Variants in TECTA observed in about 807,000 individuals in gnomAD.
TECTA encodes alpha-tectorin.
TECTA carries 128 observed loss-of-function variants against 216.8 expected under a neutral mutation model. The ratio of observed to expected loss-of-function variants is 0.59; its 90% CI spans 0.51 to 0.68. TECTA has a LOEUF of 0.68. Among genes scored for constraint, TECTA ranks in the 30% least tolerant of loss-of-function variants. TECTA has a pLI of 0.00. For missense variants in TECTA, 2,551 were observed against 2,786.2 expected (o/e 0.92, Z 1.90); for synonymous variants, 1,089 against 1,117.1 (o/e 0.97, Z 0.50).
intron 23 of TECTA, 38 bp from the exon 24 acceptor site, chr11:121,190,668 C>T (rs1045251654): frequency 1.1e-5 from 16 of 1,479,304 alleles, no homozygotes; most frequent in East Asian, 2.3e-5. Context: ...AGGTATTTTT[C>T]CCCCCATAGG....
Position 121,145,974 on chromosome 11 carries a change from C to A in TECTA, c.3963C>A (p.Thr1321=), listed in dbSNP as rs757630100. 5.0e-6 allele frequency: 8 copies of A among 1,614,266 alleles called. No homozygotes were observed. The highest frequency in any genetic ancestry group is 3.4e-6 in the Non-Finnish European group (4 of 1,180,050). ...AGTGTCACAGCAAAGTTAACCCCACCTTCTTCTATAAGAACTGCCTGTTTG... is the reference window on the plus strand; with the variant it reads ...AGTGTCACAGCAAAGTTAACCCCACATTCTTCTATAAGAACTGCCTGTTTG... ...FSKCHSKVNP[T]FFYKNCLFDS... Residue 1321 remains threonine, a synonymous_variant, in exon 12 of 24, where the codon ACC becomes ACA. Coordinates refer to ENST00000392793, the MANE Select transcript of TECTA (RefSeq NM_005422.4).
Position 121,146,021 on chromosome 11 carries a change from C to A in TECTA, c.4010C>A (p.Ala1337Glu). 6.2e-7 allele frequency: 1 copy of A among 1,614,016 alleles called. No homozygotes were observed. The highest frequency in any genetic ancestry group is 8.5e-7 in the Non-Finnish European group (1 of 1,180,042). Residue 1337 changes from alanine (A) to glutamate (E), a missense_variant, in exon 12 of 24, where the codon GCG becomes GAG. Ala to Glu is a moderately radical substitution (Grantham distance 107, BLOSUM62 -1). Around this residue, in one of 3 missense-constraint regions of TECTA, gnomAD observed 2,375 missense variants for 2,563.9 expected, o/e 0.93. Coordinates refer to ENST00000392793, the MANE Select transcript of TECTA (RefSeq NM_005422.4). Reference sequence around the variant, plus strand: ...TTTGACTCTTGCATCGATGGGGGCGCGGTGCAGACCGCCTGCAGCTGGCTG... The same window carrying A: ...TTTGACTCTTGCATCGATGGGGGCGAGGTGCAGACCGCCTGCAGCTGGCTG... ...CLFDSCIDGG[A>E]VQTACSWLQN...
chr11:121,124,681 T>G (rs939117489), intron 7 of TECTA, among the ~76,000 whole-genome samples: 4 of 152,226 alleles, frequency 2.6e-5, no homozygotes, highest in African/African-American at 9.6e-5. Flanking sequence ...CCTTTACATC[T>G]CAGTTCCTGA....
At chr11:121,138,883 A>G (rs533879357) in intron 11 of TECTA, among the ~76,000 whole-genome samples, 3 of 152,230 alleles carry the variant, frequency 2.0e-5, no homozygotes, top group Admixed American at 6.5e-5. Flanking sequence ...CATTATTATC[A>G]CAGGTCTGTG....
intron 9 of TECTA, among the ~76,000 whole-genome samples, chr11:121,129,423 A>C (rs867591153): frequency 6.6e-6 from 1 of 152,240 alleles, no homozygotes. Flanking sequence ...CAGAACACAC[A>C]AATAAACAGC....
Position 121,145,733 on chromosome 11 carries a change from G to A in TECTA, c.3722G>A (p.Cys1241Tyr), listed in dbSNP as rs757159436. 1 of 1,614,252 alleles carries A rather than the reference G, an allele frequency of 6.2e-7. No individual in the cohort carries two copies. The highest frequency in any genetic ancestry group is 8.5e-7 in the Non-Finnish European group (1 of 1,180,052). The change falls in exon 12 of 24, where the codon TGT (cysteine) becomes TAT (tyrosine). Residue 1241 changes from cysteine to tyrosine, a missense_variant. Cys to Tyr is a radical substitution (Grantham distance 194). This residue lies in a region of TECTA where 2,375 missense variants were observed against 2,563.9 expected (regional missense o/e 0.93). Transcript: ENST00000392793. ...RSMQNSTYGL[C>Y]GRYNGNPDDD... ...ATGCAGAACAGCACCTATGGTCTGT[G>A]TGGCCGCTACAACGGCAACCCTGAT...
chr11:121,189,375 C>CT lies in TECTA; in HGVS notation c.6250+220dup, dbSNP rs11459448. On this transcript the variant is annotated intron_variant, in intron 22 of 23. Transcript: ENST00000392793. ...GCATTGAGGTTTTCTTTGTCCTCCT[C>CT]TTTTTTTTTTTTCTTTGAGACGGAG... Among the ~76,000 whole-genome samples the CT allele has an allele frequency of 0.38, 55,515 of 146,572 alleles. 10,726 individuals carry two copies. The highest frequency in any genetic ancestry group is 0.48 in the South Asian group (2,232 of 4,648).
intron 13 of TECTA, among the ~76,000 whole-genome samples, chr11:121,157,630 G>A (rs1317990159): frequency 2.0e-5 from 3 of 152,164 alleles, no homozygotes; most frequent in South Asian, 2.1e-4. Flanking sequence ...AAATAAATGC[G>A]TGTCAAAACT....
At chr11:121,149,250 G>T (rs1946867586) in intron 12 of TECTA, among the ~76,000 whole-genome samples, 1 of 152,182 alleles carries the variant, frequency 6.6e-6, no homozygotes, top group Admixed American at 6.5e-5. Flanking sequence ...CTCTGAGCCT[G>T]GTCAACCAGT....
chr11:121,177,142 A>C (rs1387122382), intron 20 of TECTA, among the ~76,000 whole-genome samples: 1 of 152,162 alleles, frequency 6.6e-6, no homozygotes, highest in South Asian at 2.1e-4. Flanking sequence ...AGCTCGGAGT[A>C]GTTTGATTGT....
chr11:121,118,168 A>T lies in TECTA; in HGVS notation c.791-138A>T, dbSNP rs1946518041. 8 of 1,114,688 alleles carry T rather than the reference A, an allele frequency of 7.2e-6. No individual in the cohort carries two copies. In the Admixed American group the frequency reaches 1.4e-4, roughly 20 times the overall value. The allele number at this position is 1,114,688 out of a possible 1,614,324, so 69.0% of individuals were successfully genotyped here. On this transcript the variant is annotated intron_variant, in intron 6 of 23. Coordinates refer to ENST00000392793, the MANE Select transcript of TECTA (RefSeq NM_005422.4). The stretch of plus-strand genomic sequence containing the variant: ...TTAAGGCTCAGTTTCCTCATTTGTC[A>T]AATGAGGGTGACCATACCTCCCTAA...
At chr11:121,106,733 G>A (rs187014724) in intron 3 of TECTA, among the ~76,000 whole-genome samples, 8 of 152,266 alleles carry the variant, frequency 5.3e-5, no homozygotes, top group Admixed American at 2.6e-4. Context: ...CCATCTCTAC[G>A]TCTGGGACCT....
rs1946459876 is a variant in TECTA at position 121,113,233 on chromosome 11, C to G, written c.624+24C>G. 7 of 1,613,636 alleles carry G rather than the reference C, an allele frequency of 4.3e-6. No homozygotes were observed. The East Asian group carries it at 1.6e-4, about 36-fold the overall frequency. The stretch of plus-strand genomic sequence containing the variant: ...AGGTAGGTGGCTCTCCACTTCATCC[C>G]CCGCGTGTTTCCGTCGCTGCACTCT... On this transcript the variant is annotated intron_variant, in intron 5 of 23. Transcript: ENST00000392793. The surrounding 1 kb of genome is among the most constrained non-coding windows in gnomAD (Gnocchi z 4.2).
intron 4 of TECTA, among the ~76,000 whole-genome samples, chr11:121,112,060 A>G (rs1232186518): frequency 2.6e-5 from 4 of 152,172 alleles, no homozygotes; most frequent in Non-Finnish European, 4.4e-5. Flanking sequence ...GGCAGCTGGG[A>G]AAAGTGCTAG....
chr11:121,173,225 TGC>T (rs1947130761), intron 20 of TECTA, among the ~76,000 whole-genome samples: 1 of 150,966 alleles, frequency 6.6e-6, no homozygotes, highest in African/African-American at 2.4e-5. Flanking sequence ...TGGTTTTTGT[TGC>T]CATTGCTTTT....
intron 15 of TECTA, among the ~76,000 whole-genome samples, chr11:121,161,085 A>C (rs981986010): frequency 2.0e-5 from 3 of 152,158 alleles, no homozygotes; most frequent in African/African-American, 7.2e-5. Flanking sequence ...GCTCAATCAC[A>C]TTGCTTTACA....
chr11:121,157,885 CTG>C lies in TECTA; in HGVS notation c.4352_4353del (p.Cys1451PhefsTer99), dbSNP rs770735898. 6.2e-7 allele frequency: 1 copy of C among 1,614,266 alleles called. No homozygotes were observed. Among genetic ancestry groups the C allele is most frequent in the Non-Finnish European group, 8.5e-7 (1 of 1,180,048 alleles). ...ACAGCGACTGCACGCGGCGCTGCCG[CTG>C]TTTCCGTCGCAACGTGATTCAGTGC... is the stretch of plus-strand genomic sequence containing the variant. Reference protein sequence around the residue: ...WNSDCTRRCRCFRRNVIQCDP... With the variant: ...WNSDCTRRCRXFRRNVIQCDP... On this transcript the variant is annotated frameshift_variant, in exon 14 of 24. Coordinates refer to ENST00000392793, the MANE Select transcript of TECTA (RefSeq NM_005422.4). LOFTEE classifies it high-confidence loss of function.
intron 15 of TECTA, 96 bp from the exon 16 acceptor site, chr11:121,161,979 T>C: frequency 6.7e-7 from 1 of 1,501,502 alleles, no homozygotes; most frequent in Non-Finnish European, 9.2e-7. Context: ...ATTGGCACAA[T>C]GCACTAGCTT....
chr11:121,131,631 A>G (rs1946675855), intron 10 of TECTA, among the ~76,000 whole-genome samples: 1 of 152,248 alleles, frequency 6.6e-6, no homozygotes, highest in Non-Finnish European at 1.5e-5. Flanking sequence ...TTTTACAGCC[A>G]AAACAAAAAA....
Sources: gnomAD v4.1 joint callset for allele counts (sites outside exome capture counted in the v4.1 genomes callset) on GRCh38, gnomAD v4.1.1 for gene constraint, gnomAD v4.1.1 regional missense constraint, Gnocchi (gnomAD v3.1) non-coding constraint, MANE v1.5 for transcripts, NCBI Gene and HGNC (gene_info 2026-07-23, HGNC 2026-07-21) for gene names.